The following SLMAP variants were observed in gnomAD, a reference collection of about 807,000 sequenced individuals.
SLMAP encodes sarcolemmal membrane-associated protein.
SLMAP carries 44 observed loss-of-function variants against 128.8 expected under a neutral mutation model. That is an observed-to-expected ratio of 0.34 (90% CI 0.27 to 0.44). The LOEUF (loss-of-function observed/expected upper bound fraction) is 0.44. SLMAP is among the 20% of genes least tolerant of loss of function. The pLI is 1.00. For missense variants in SLMAP, 787 were observed against 985.3 expected, an observed-to-expected ratio of 0.80 and a Z score of 2.69; for synonymous variants, 327 against 348.8, an observed-to-expected ratio of 0.94 and a Z score of 0.70.
chr3:57,797,847 A>G (rs1393169343), intron 2 of SLMAP, among the ~76,000 whole-genome samples: 1 of 152,160 alleles, frequency 6.6e-6, no homozygotes, highest in African/African-American at 2.4e-5. Flanking sequence ...AGTATGGTAG[A>G]GCGGTAAAGA....
chr3:57,891,796 C>T lies in SLMAP; in HGVS notation c.1360+1696C>T, dbSNP rs549918522. The stretch of plus-strand genomic sequence containing the variant: ...TTCACCATGTTGACCAGGCTGGTCT[C>T]AAACTCCTGACCTCAGATGATCCAC... On this transcript the variant is annotated intron_variant, in intron 15 of 24. Coordinates refer to ENST00000671191, the MANE Select transcript of SLMAP (RefSeq NM_001377540.1). Among the ~76,000 whole-genome samples the T allele has an allele frequency of 9.2e-5, 14 of 152,208 alleles. No individual in the cohort carries two copies. In the South Asian group the frequency reaches 2.9e-3, roughly 32 times the overall value.
intron 9 of SLMAP, among the ~76,000 whole-genome samples, 163 bp downstream of exon 9, chr3:57,861,002 C>G (rs2095029630): frequency 6.6e-6 from 1 of 152,194 alleles, no homozygotes; most frequent in African/African-American, 2.4e-5. Context: ...GACAGCAATT[C>G]TCCATGTGAG....
rs988263359 is a variant in SLMAP at position 57,868,383 on chromosome 3, G to A, written c.1237+3091G>A. ...GTTTGAGCCCAGAAGCTCGAAACCA[G>A]CCTGGGCAACATAGTGAGACCCCAT... On this transcript the variant is annotated intron_variant, in intron 13 of 24. Coordinates refer to ENST00000671191, the MANE Select transcript of SLMAP (RefSeq NM_001377540.1). Among the ~76,000 whole-genome samples the A allele has an allele frequency of 2.0e-5, 3 of 152,056 alleles. No homozygotes were observed. The South Asian group carries it at 6.2e-4, about 32-fold the overall frequency.
intron 2 of SLMAP, among the ~76,000 whole-genome samples, chr3:57,801,754 A>G (rs1576701764): frequency 6.6e-6 from 1 of 151,888 alleles, no homozygotes; most frequent in East Asian, 1.9e-4. Context: ...AAGTAGATCA[A>G]AGGGCACATT....
At chr3:57,870,641 T>C (rs1366366513) in intron 13 of SLMAP, among the ~76,000 whole-genome samples, 2 of 152,182 alleles carry the variant, frequency 1.3e-5, no homozygotes, top group Non-Finnish European at 2.9e-5. Flanking sequence ...AAGTAGGTAG[T>C]GTCTGCCTCT....
chr3:57,901,648 G>A (rs1445714743), intron 17 of SLMAP: 1 of 152,138 alleles, frequency 6.6e-6, no homozygotes, highest in African/African-American at 2.4e-5. Context: ...AGATTCTACA[G>A]GACATACAAC....
chr3:57,926,262 T>G, intron 24 of SLMAP: 1 of 241,184 alleles, frequency 4.1e-6, no homozygotes, highest in Non-Finnish European at 7.9e-6. Flanking sequence ...TCTTTCCAAT[T>G]ATGTGTTTAA....
chr3:57,871,472 G>A (rs1575527896), intron 13 of SLMAP, among the ~76,000 whole-genome samples, 164 bp from the exon 14 acceptor site: 1 of 152,244 alleles, frequency 6.6e-6, no homozygotes, highest in South Asian at 2.1e-4. Context: ...ATAATTTTCA[G>A]TCATTTAACT....
rs1375579856 is a variant in SLMAP at position 57,857,603 on chromosome 3, G to C, written c.520-130G>C. The C allele has an allele frequency of 5.3e-5, 35 of 654,496 alleles. No individual in the cohort carries two copies. In the South Asian group the frequency reaches 7.0e-4, roughly 13 times the overall value. 40.5% of individuals were successfully genotyped at this position (654,496 alleles called of 1,614,324 possible). On this transcript the variant is annotated intron_variant, in intron 6 of 24. Coordinates refer to ENST00000671191, the MANE Select transcript of SLMAP (RefSeq NM_001377540.1). ...TGTATGTTTTACAAAGTACTATCAAGTTTCACTACTTTAAAATACATCAAG... is the reference window on the plus strand; with the variant it reads ...TGTATGTTTTACAAAGTACTATCAACTTTCACTACTTTAAAATACATCAAG...
At chr3:57,912,872 T>G (rs1198418336) in intron 20 of SLMAP, among the ~76,000 whole-genome samples, 171 bp downstream of exon 20, 1 of 152,194 alleles carries the variant, frequency 6.6e-6, no homozygotes, top group Non-Finnish European at 1.5e-5. Flanking sequence ...AAGTTCTACT[T>G]AAATTTATAT....
At chr3:57,876,413 A>G (rs534294103) in intron 14 of SLMAP, among the ~76,000 whole-genome samples, 3 of 152,364 alleles carry the variant, frequency 2.0e-5, no homozygotes, top group African/African-American at 2.4e-5. Context: ...TGGACTTTGA[A>G]CAGAGATTTA....
intron 4 of SLMAP, among the ~76,000 whole-genome samples, chr3:57,841,813 G>A (rs1483204411): frequency 6.6e-6 from 1 of 152,046 alleles, no homozygotes; most frequent in Non-Finnish European, 1.5e-5. Context: ...TATTTTGGTG[G>A]GAGGTTTTTG....
intron 15 of SLMAP, among the ~76,000 whole-genome samples, chr3:57,896,068 A>G (rs1022070722): frequency 6.6e-6 from 1 of 150,860 alleles, no homozygotes; most frequent in African/African-American, 2.4e-5. Context: ...TTTTTTTTTA[A>G]GAGTTTTATT....
intron 13 of SLMAP, among the ~76,000 whole-genome samples, chr3:57,869,660 A>ATATATATATT (rs1553900183): frequency 1.2e-5 from 1 of 81,392 alleles, no homozygotes; most frequent in Non-Finnish European, 2.5e-5. Flanking sequence ...ATATATATAT[A>ATATATATATT]ATATATATAA....
chr3:57,901,130 T>C (rs1448841396), intron 17 of SLMAP: 1 of 152,268 alleles, frequency 6.6e-6, no homozygotes, highest in Non-Finnish European at 1.5e-5. Context: ...GCTGAACCCA[T>C]TCTTTGGGCT....
At chr3:57,894,802 A>G (rs181005580) in intron 15 of SLMAP, among the ~76,000 whole-genome samples, 83 of 152,322 alleles carry the variant, frequency 5.4e-4, no homozygotes, top group African/African-American at 1.9e-3. Flanking sequence ...TGCAGGACAT[A>G]ATGCAGGCAT....
At chr3:57,781,700 A>G (rs1029884304) in intron 2 of SLMAP, among the ~76,000 whole-genome samples, 1 of 150,444 alleles carries the variant, frequency 6.6e-6, no homozygotes, top group Admixed American at 6.6e-5. Flanking sequence ...TAACTATACA[A>G]GCTATTCTAA....
chr3:57,926,001 A>G (rs1028442294), intron 24 of SLMAP, 67 bp downstream of exon 24: 4 of 1,118,900 alleles, frequency 3.6e-6, no homozygotes, highest in Non-Finnish European at 5.3e-6. Flanking sequence ...TATTTGTAAT[A>G]TAGTGCATGG....
intron 8 of SLMAP, among the ~76,000 whole-genome samples, chr3:57,859,549 T>C (rs2094951781): frequency 6.6e-6 from 1 of 152,150 alleles, no homozygotes; most frequent in Non-Finnish European, 1.5e-5. Context: ...AGAGAGACCC[T>C]GTCTCTAAAA....
Sources: gnomAD v4.1 joint callset for allele counts (sites outside exome capture counted in the v4.1 genomes callset) on GRCh38, gnomAD v4.1.1 for gene constraint, MANE v1.5 for transcripts, NCBI Gene and HGNC (gene_info 2026-07-23, HGNC 2026-07-21) for gene names.